TMEM39A: variants seen among roughly 807,000 people sequenced by gnomAD.
TMEM39A encodes the protein suppressor of SQST-1 aggregates in rpl-43 mutants.
In TMEM39A, 19 loss-of-function variants were observed where a neutral mutation model predicts 51.9. The observed-to-expected ratio is 0.37, with a 90% CI of 0.26 to 0.54. The LOEUF is 0.54. Among genes scored for constraint, TMEM39A ranks in the 20% least tolerant of loss-of-function variants. The probability of loss-of-function intolerance (pLI) is 0.88; values close to 1 mark genes in which losing one functional copy is unlikely to be tolerated. For missense variants in TMEM39A, 433 were observed against 590.5 expected, an observed-to-expected ratio of 0.73 and a Z score of 2.76; for synonymous variants, 197 against 220.2, an observed-to-expected ratio of 0.89 and a Z score of 0.93.
chr3:119,438,457 T>C (rs1031669288), intron 5 of TMEM39A, among the ~76,000 whole-genome samples: 1 of 152,242 alleles, frequency 6.6e-6, no homozygotes, highest in African/African-American at 2.4e-5. Flanking sequence ...CTTTTGTGTT[T>C]GGCTTCATAC....
At position 119,430,797 on chromosome 3, in the gene TMEM39A, C is replaced by T. The variant is rs929466344; in HGVS notation, c.*1184G>A. ...GTCAACGACATGATTGGTCTTTTTACTTCATAAGTCTTATTTTGTTTCACC... is the reference window on the plus strand; with the variant it reads ...GTCAACGACATGATTGGTCTTTTTATTTCATAAGTCTTATTTTGTTTCACC... On this transcript the variant is annotated 3_prime_UTR_variant, in exon 9 of 9. Transcript: ENST00000319172. The T allele has an allele frequency of 2.0e-5, 3 of 152,068 alleles. No homozygotes were observed. Among genetic ancestry groups the T allele is most frequent in the Admixed American group, 1.3e-4 (2 of 15,266 alleles). 9.4% of individuals were successfully genotyped at this position (152,068 alleles called of 1,614,324 possible). A position where few individuals can be genotyped will look rare whatever the true frequency, so the allele number is the denominator to read the frequency against.
rs758103137 is a variant in TMEM39A at position 119,436,881 on chromosome 3, T to A, written c.1022A>T (p.Lys341Ile). The change falls in exon 7 of 9, where the codon AAA becomes ATA. Residue 341 changes from lysine (K) to isoleucine (I), a missense_variant. By Grantham distance (102) the Lys-to-Ile change is moderately radical (BLOSUM62 -3). This residue lies in a region of TMEM39A where 223 missense variants were observed against 328.1 expected (regional missense o/e 0.68). Coordinates refer to ENST00000319172, the MANE Select transcript of TMEM39A (RefSeq NM_018266.3). ...TGATTTATGTAGCAAATCACAGTAT[T>A]TGGATGGCAACAGTTGCGTGGTGAG... is the stretch of plus-strand genomic sequence containing the variant. ...VMLTTQLLPS[K>I]YCDLLHKSAA... 6.2e-7 allele frequency: 1 copy of A among 1,613,914 alleles called. No individual in the cohort carries two copies. Among genetic ancestry groups the A allele is most frequent in the Non-Finnish European group, 8.5e-7 (1 of 1,179,940 alleles).
At position 119,430,631 on chromosome 3, in the gene TMEM39A, A is replaced by G. The variant is rs182436123; in HGVS notation, c.*1350T>C. 1 of 152,274 alleles carries G rather than the reference A, an allele frequency of 6.6e-6. No homozygotes were observed. The highest frequency in any genetic ancestry group is 6.5e-5 in the Admixed American group (1 of 15,288). 9.4% of individuals were successfully genotyped at this position (152,274 alleles called of 1,614,324 possible). On this transcript the variant is annotated 3_prime_UTR_variant, in exon 9 of 9. Coordinates refer to ENST00000319172, the MANE Select transcript of TMEM39A (RefSeq NM_018266.3). ...AACTTAAAAAAAAAGTATACACATC[A>G]AAATATTTAAAGAAACAATTATTGA...
chr3:119,454,145 T>A (rs1054016268), intron 3 of TMEM39A, among the ~76,000 whole-genome samples: 1 of 152,154 alleles, frequency 6.6e-6, no homozygotes, highest in African/African-American at 2.4e-5. Context: ...AGTGAGATAA[T>A]TATTGTAGTG....
intron 3 of TMEM39A, among the ~76,000 whole-genome samples, chr3:119,453,802 A>G (rs564837322): frequency 7.9e-5 from 12 of 152,378 alleles, no homozygotes; most frequent in Non-Finnish European, 1.6e-4. Flanking sequence ...AGCTAAACCC[A>G]TATCTTCAAT....
chr3:119,441,414 T>C (rs970955275), intron 5 of TMEM39A, among the ~76,000 whole-genome samples: 1 of 152,186 alleles, frequency 6.6e-6, no homozygotes, highest in African/African-American at 2.4e-5. Context: ...ACTGCTGATA[T>C]GGAGAAAGTT....
At chr3:119,438,140 C>G in intron 5 of TMEM39A, 37 bp from the exon 6 acceptor site, 2 of 1,473,878 alleles carry the variant, frequency 1.4e-6, no homozygotes, top group Non-Finnish European at 1.9e-6. Flanking sequence ...CCACAGATAC[C>G]ACCTAAAATC....
chr3:119,451,420 AAAT>A (rs1307005594), intron 4 of TMEM39A: 1 of 661,444 alleles, frequency 1.5e-6, no homozygotes, highest in African/African-American at 1.9e-5. Flanking sequence ...TCCAAGATTA[AAAT>A]TATTAGCCAC....
intron 8 of TMEM39A, among the ~76,000 whole-genome samples, chr3:119,433,942 C>A (rs1553769967): frequency 6.6e-6 from 1 of 152,156 alleles, no homozygotes; most frequent in Non-Finnish European, 1.5e-5. Context: ...CCAGAAAGTC[C>A]ATATACCCTC....
rs184909522 is a variant in TMEM39A, at chr3:119,459,216, T to C, written c.114-976A>G. Among the ~76,000 whole-genome samples, 170 of 152,338 alleles carry C rather than the reference T, an allele frequency of 1.1e-3. 1 individual carries two copies. The highest frequency in any genetic ancestry group is 4.0e-3 in the African/African-American group (166 of 41,586). On this transcript the variant is annotated intron_variant, in intron 2 of 8. Coordinates refer to ENST00000319172, the MANE Select transcript of TMEM39A (RefSeq NM_018266.3). ...TACAGTGATATAAACTTTCCCTAAA[T>C]AACTAGAGTGGCTCACTGTGCCTAA...
intron 2 of TMEM39A, among the ~76,000 whole-genome samples, chr3:119,459,946 G>A (rs1348158654): frequency 6.6e-6 from 1 of 151,662 alleles, no homozygotes; most frequent in African/African-American, 2.4e-5. Context: ...TATATTATAA[G>A]CTATCCGCTA....
At chr3:119,432,462 C>T (rs761861198) in intron 8 of TMEM39A, among the ~76,000 whole-genome samples, 1 of 151,248 alleles carries the variant, frequency 6.6e-6, no homozygotes, top group Non-Finnish European at 1.5e-5. Flanking sequence ...GAGATTATGC[C>T]CAAAAGAAAA....
At chr3:119,453,975 T>C (rs1560018937) in intron 3 of TMEM39A, among the ~76,000 whole-genome samples, 1 of 152,178 alleles carries the variant, frequency 6.6e-6, no homozygotes, top group Non-Finnish European at 1.5e-5. Context: ...AGGCTATCTC[T>C]GAGAGGATGG....
intron 5 of TMEM39A, among the ~76,000 whole-genome samples, chr3:119,442,369 G>A (rs1218004644): frequency 6.6e-6 from 1 of 151,040 alleles, no homozygotes; most frequent in Non-Finnish European, 1.5e-5. Flanking sequence ...AGTACTTACT[G>A]CTCATTGACA....
chr3:119,430,407 A>G lies in TMEM39A; in HGVS notation c.*1574T>C, dbSNP rs2080883770. 1 of 152,130 alleles carries G rather than the reference A, an allele frequency of 6.6e-6. No individual in the cohort carries two copies. Among genetic ancestry groups the G allele is most frequent in the Admixed American group, 6.6e-5 (1 of 15,248 alleles). The allele number at this position is 152,130 out of a possible 1,614,324, so 9.4% of individuals were successfully genotyped here. ...CTTATCACTACTACCAGGGAATGTT[A>G]TATTACACATAAATTTATTTGCTGT... On this transcript the variant is annotated 3_prime_UTR_variant, in exon 9 of 9. Transcript: ENST00000319172.
At chr3:119,463,073 C>T (rs1411166332) in intron 1 of TMEM39A, among the ~76,000 whole-genome samples, 1 of 152,230 alleles carries the variant, frequency 6.6e-6, no homozygotes, top group African/African-American at 2.4e-5. Context: ...CCAAGTCAAA[C>T]AAAGCATTCA....
At chr3:119,462,405 G>A (rs1200236346) in intron 1 of TMEM39A, among the ~76,000 whole-genome samples, 5 of 152,010 alleles carry the variant, frequency 3.3e-5, no homozygotes, top group African/African-American at 1.2e-4. Context: ...TGTATCATCT[G>A]TAAGATATTA....
intron 7 of TMEM39A, chr3:119,435,479 G>A (rs907483526): frequency 4.1e-6 from 4 of 984,750 alleles, no homozygotes; most frequent in Admixed American, 6.2e-5. Context: ...TTTTTATAGA[G>A]GTTTCTCTGG....
At chr3:119,434,949 C>T (rs2080948672) in intron 7 of TMEM39A, 67 bp from the exon 8 acceptor site, 6 of 1,563,722 alleles carry the variant, frequency 3.8e-6, no homozygotes, top group Non-Finnish European at 3.5e-6. Flanking sequence ...CTGGCAAGGC[C>T]AGCTGTATTT....
Sources: allele counts gnomAD v4.1 joint callset (sites outside exome capture counted in the v4.1 genomes callset), GRCh38; gene constraint gnomAD v4.1.1; regional missense constraint gnomAD v4.1.1; transcripts MANE v1.5; gene names NCBI Gene and HGNC (gene_info 2026-07-23, HGNC 2026-07-21).